Variants in SERPINI1 observed in about 807,000 individuals in gnomAD.
The protein encoded by SERPINI1 is serpin family I member 1, also known as neuroserpin.
SERPINI1 carries 19 observed loss-of-function variants against 41.1 expected under a neutral mutation model. That is an observed-to-expected ratio of 0.46 (90% CI 0.32 to 0.68). SERPINI1 has a LOEUF of 0.68. Ranked by LOEUF, SERPINI1 falls within the 30% of genes least tolerant of loss-of-function variation. The pLI, the probability that SERPINI1 is intolerant of heterozygous loss-of-function variation, is 0.03. For synonymous variants in SERPINI1, 138 were observed against 156.6 expected (o/e 0.88, Z 0.89); for missense variants, 460 against 479.2 (o/e 0.96, Z 0.37).
chr3:167,766,224 TA>T (rs34346585), intron 1 of SERPINI1, among the ~76,000 whole-genome samples: 4,223 of 126,056 alleles, frequency 0.034, 79 homozygotes, highest in Middle Eastern at 0.091. Flanking sequence ...GCAATTTACC[TA>T]AAAAAAAAAA....
rs376468580 is a variant in SERPINI1 at position 167,790,408 on chromosome 3, T to C, written c.287T>C (p.Met96Thr). Residue 96 changes from methionine (M) to threonine (T), a missense_variant, in exon 3 of 9, where the codon ATG becomes ACG. Coordinates refer to ENST00000446050, the MANE Select transcript of SERPINI1 (RefSeq NM_001122752.2). ...TCTTTCTTGAAGGAGTTTTCAAACATGGTAACTGCTAAAGAGAGCCAATAT... is the reference window on the plus strand; with the variant it reads ...TCTTTCTTGAAGGAGTTTTCAAACACGGTAACTGCTAAAGAGAGCCAATAT... ...EFSFLKEFSN[M>T]VTAKESQYVM... The C allele has an allele frequency of 1.2e-6, 2 of 1,613,936 alleles. No homozygotes were observed. Among genetic ancestry groups the C allele is most frequent in the Admixed American group, 1.7e-5 (1 of 60,012 alleles).
At chr3:167,806,943 G>A (rs1711667179) in intron 5 of SERPINI1, among the ~76,000 whole-genome samples, 1 of 151,992 alleles carries the variant, frequency 6.6e-6, no homozygotes, top group Non-Finnish European at 1.5e-5. Context: ...ATGATACTAA[G>A]TAATCATATG....
At chr3:167,795,048 G>A (rs930427464) in intron 5 of SERPINI1, among the ~76,000 whole-genome samples, 11 of 151,232 alleles carry the variant, frequency 7.3e-5, no homozygotes, top group African/African-American at 2.7e-4. Context: ...GGTCCTTCCC[G>A]TAGACACATG....
chr3:167,746,721 T>G (rs889679156), intron 1 of SERPINI1, among the ~76,000 whole-genome samples: 1 of 152,134 alleles, frequency 6.6e-6, no homozygotes, highest in Non-Finnish European at 1.5e-5. Flanking sequence ...TCACACAAAC[T>G]AGGATGACTA....
At position 167,825,231 on chromosome 3, in the gene SERPINI1, T is replaced by C. The variant is rs1218637632; in HGVS notation, c.1157-16T>C. 6.3e-7 allele frequency: 1 copy of C among 1,578,386 alleles called. No homozygotes were observed. The highest frequency in any genetic ancestry group is 1.7e-5 in the Admixed American group (1 of 59,970). ...TTTGTTCACCCCCTCTTTTGTTTAC[T>C]TCTGAACCAATACAGGTACAATTCT... On this transcript the variant is annotated splice_polypyrimidine_tract_variant and intron_variant, in intron 8 of 8. Coordinates refer to ENST00000446050, the MANE Select transcript of SERPINI1 (RefSeq NM_001122752.2).
rs1227769308 is a variant in SERPINI1 at position 167,794,876 on chromosome 3, T to C, written c.881+52T>C. ...CACAGCATGGACGATGGGCTATCAA[T>C]GAAAATCTGACCCAGAAAAACTCTT... On this transcript the variant is annotated intron_variant, in intron 5 of 8. Transcript: ENST00000446050. The C allele has an allele frequency of 3.4e-6, 5 of 1,465,128 alleles. No homozygotes were observed. In the African/African-American group the frequency reaches 7.0e-5, roughly 20 times the overall value. 90.8% of individuals were successfully genotyped at this position (1,465,128 alleles called of 1,614,324 possible).
At chr3:167,801,477 G>A (rs987605307) in intron 5 of SERPINI1, among the ~76,000 whole-genome samples, 6 of 151,426 alleles carry the variant, frequency 4.0e-5, no homozygotes, top group South Asian at 2.1e-4. Flanking sequence ...TTAGTGATGC[G>A]GGGGCTTTAC....
At chr3:167,800,282 C>T (rs143170792) in intron 5 of SERPINI1, among the ~76,000 whole-genome samples, 48 of 152,028 alleles carry the variant, frequency 3.2e-4, no homozygotes, top group African/African-American at 9.9e-4. Context: ...TGTAAAACAC[C>T]CAAAAAGCAC....
chr3:167,775,225 T>A (rs980075254), intron 1 of SERPINI1, among the ~76,000 whole-genome samples: 4 of 134,346 alleles, frequency 3.0e-5, no homozygotes, highest in East Asian at 2.2e-4. Flanking sequence ...GAAGTGTCAC[T>A]TTATTATTAT....
intron 1 of SERPINI1, among the ~76,000 whole-genome samples, chr3:167,748,820 A>C (rs987670103): frequency 2.6e-5 from 4 of 151,148 alleles, no homozygotes; most frequent in Non-Finnish European, 2.9e-5. Flanking sequence ...CCAGTTCTCC[A>C]CAATGAGTAC....
At chr3:167,781,222 TAGCTAGTATTAACCAAAGTTAA>T (rs113109677) in intron 1 of SERPINI1, among the ~76,000 whole-genome samples, 2,263 of 152,228 alleles carry the variant, frequency 0.015, 51 homozygotes, top group African/African-American at 0.05. Flanking sequence ...TTCACCAAGG[TAGCTAGTATTAACCAAAGTTAA>T]AGCAGTGGAT....
intron 5 of SERPINI1, among the ~76,000 whole-genome samples, chr3:167,796,243 A>G (rs555378802): frequency 2.0e-5 from 3 of 151,972 alleles, no homozygotes; most frequent in African/African-American, 7.2e-5. Context: ...TTTATAATAT[A>G]TTCATAATAT....
chr3:167,807,478 A>G, intron 6 of SERPINI1, 137 bp downstream of exon 6: 1 of 633,116 alleles, frequency 1.6e-6, no homozygotes, highest in Non-Finnish European at 2.8e-6. Context: ...AGCATGAAAT[A>G]CATTTAACCT....
intron 5 of SERPINI1, among the ~76,000 whole-genome samples, chr3:167,801,032 G>T (rs1399834612): frequency 2.0e-5 from 3 of 152,182 alleles, no homozygotes; most frequent in Non-Finnish European, 4.4e-5. Context: ...TGGCCAGGCT[G>T]GTCTCGAACT....
At chr3:167,750,863 T>C (rs1726020820) in intron 1 of SERPINI1, among the ~76,000 whole-genome samples, 1 of 152,162 alleles carries the variant, frequency 6.6e-6, no homozygotes, top group Non-Finnish European at 1.5e-5. Flanking sequence ...ATTGTCCATA[T>C]TTACTTCACA....
At chr3:167,758,768 CAG>C (rs1726275773) in intron 1 of SERPINI1, among the ~76,000 whole-genome samples, 1 of 151,986 alleles carries the variant, frequency 6.6e-6, no homozygotes, top group South Asian at 2.1e-4. Context: ...AACATTGTAT[CAG>C]TGTTAATTTC....
At chr3:167,743,791 C>T (rs925209635) in intron 1 of SERPINI1, among the ~76,000 whole-genome samples, 1 of 152,068 alleles carries the variant, frequency 6.6e-6, no homozygotes. Flanking sequence ...TATGATATTA[C>T]AGCAGTTACT....
intron 1 of SERPINI1, among the ~76,000 whole-genome samples, chr3:167,774,781 C>CG (rs1726908022): frequency 6.8e-6 from 1 of 147,804 alleles, no homozygotes; most frequent in Non-Finnish European, 1.5e-5. Context: ...ATCCCCTCAC[C>CG]CCTGTCTATT....
At chr3:167,771,819 G>A (rs1726758490) in intron 1 of SERPINI1, among the ~76,000 whole-genome samples, 1 of 146,320 alleles carries the variant, frequency 6.8e-6, no homozygotes, top group South Asian at 2.1e-4. Flanking sequence ...CTGTGTGTGA[G>A]TGTGTGTGTG....
Sources: allele counts gnomAD v4.1 joint callset (sites outside exome capture counted in the v4.1 genomes callset), GRCh38; gene constraint gnomAD v4.1.1; transcripts MANE v1.5; gene names NCBI Gene and HGNC (gene_info 2026-07-23, HGNC 2026-07-21).